Variants in CABP4 observed in about 807,000 individuals in gnomAD.
The protein encoded by CABP4 is calcium-binding protein 4.
Under a neutral mutation model 30.7 loss-of-function variants are expected in CABP4, and 30 were observed. That is an observed-to-expected ratio of 0.98 (90% CI 0.73 to 1.33). The LOEUF (loss-of-function observed/expected upper bound fraction) is 1.33, where lower values mean the gene tolerates loss of function less well. Ranked by LOEUF, CABP4 falls within the 40% of genes most tolerant of loss-of-function variation. The pLI is 0.00. For synonymous variants in CABP4, 161 were observed against 159.2 expected (o/e 1.01, Z -0.08); for missense variants, 424 against 395.5 (o/e 1.07, Z -0.61).
chr11:67,457,597 A>C lies in CABP4; in HGVS notation c.566A>C (p.Glu189Ala), dbSNP rs774298352. The C allele has an allele frequency of 1.2e-6, 2 of 1,600,956 alleles. No homozygotes were observed. Among genetic ancestry groups the C allele is most frequent in the Non-Finnish European group, 1.7e-6 (2 of 1,173,982 alleles). The change falls in exon 4 of 6, where the codon GAG becomes GCG. Residue 189 changes from glutamate (E) to alanine (A), a missense_variant. Transcript: ENST00000325656. ...MRMGGRVDFE[E>A]FVELIGPKLR... ...GTGGGCGGCCGTGTGGACTTTGAGG[A>C]GTTTGTAGAACTGATAGGCCCAAAG...
rs764721247 is a variant in CABP4, at chr11:67,456,086, T to C, written c.367-102T>C. ...CTTCAGGGTCCTTTTCCTACTCTGA[T>C]GGGGCTGGGCCCTGCCCAGGCCAAC... On this transcript the variant is annotated intron_variant, in intron 1 of 5. Coordinates refer to ENST00000325656, the MANE Select transcript of CABP4 (RefSeq NM_145200.5). 1.9e-6 allele frequency: 3 copies of C among 1,608,536 alleles called. No individual in the cohort carries two copies. In the South Asian group the frequency reaches 3.3e-5, roughly 18 times the overall value.
intron 4 of CABP4, 95 bp downstream of exon 4, chr11:67,457,777 C>T: frequency 9.7e-7 from 1 of 1,035,098 alleles, no homozygotes; most frequent in Non-Finnish European, 1.4e-6. Context: ...AGGCCTAGAG[C>T]CCTGCAGGCG....
At position 67,458,824 on chromosome 11, in the gene CABP4, C is replaced by T. The variant is rs760779526; in HGVS notation, c.*165C>T. 32 of 783,130 alleles carry T rather than the reference C, an allele frequency of 4.1e-5. No homozygotes were observed. The highest frequency in any genetic ancestry group is 3.9e-4 in the Admixed American group (19 of 48,972). 48.5% of individuals were successfully genotyped at this position (783,130 alleles called of 1,614,324 possible). A position where few individuals can be genotyped will look rare whatever the true frequency, so the allele number is the denominator to read the frequency against. On this transcript the variant is annotated 3_prime_UTR_variant, in exon 6 of 6. Transcript: ENST00000325656. ...GCCTCAATGTTGGCTTGTTATGTTA[C>T]CTGCCCACCCTCATCCTTACCTCCT...
At chr11:67,458,599 AC>A (rs1415314532) in intron 5 of CABP4, 31 bp from the exon 6 acceptor site, 1 of 1,614,042 alleles carries the variant, frequency 6.2e-7, no homozygotes, top group Admixed American at 1.7e-5. Context: ...CCTGACGTGG[AC>A]TGACCCAAGC....
chr11:67,456,508 G>T, intron 3 of CABP4, 66 bp downstream of exon 3: 1 of 1,585,352 alleles, frequency 6.3e-7, no homozygotes. Flanking sequence ...GGGCTGGCAG[G>T]AGGTGGCCCT....
chr11:67,452,805 G>C, upstream of CABP4: 1 of 1,140,124 alleles, frequency 8.8e-7, no homozygotes, highest in Non-Finnish European at 1.2e-6. Context: ...GTATGGGAGA[G>C]ACGGTGCTGT....
chr11:67,456,562 G>A, intron 3 of CABP4, 120 bp downstream of exon 3: 9 of 1,301,230 alleles, frequency 6.9e-6, no homozygotes, highest in Non-Finnish European at 8.6e-6. Context: ...GAGGGTGGCG[G>A]TTTCCAGGCA....
chr11:67,458,228 C>T (rs1864890448), intron 4 of CABP4, 143 bp from the exon 5 acceptor site: 4 of 647,436 alleles, frequency 6.2e-6, no homozygotes, highest in Non-Finnish European at 8.3e-6. Flanking sequence ...CACTGCACTC[C>T]AGCCTGGTGA....
rs1864918987 is a variant in CABP4, at chr11:67,458,674, A to G, written c.*15A>G. ...CCCGCCACTGAGGCTCCAGGAGGGA[A>G]TATCTGTTGCCCCTGCGGCCCCAGA... On this transcript the variant is annotated 3_prime_UTR_variant, in exon 6 of 6. Coordinates refer to ENST00000325656, the MANE Select transcript of CABP4 (RefSeq NM_145200.5). The G allele has an allele frequency of 6.2e-7, 1 of 1,613,806 alleles. No individual in the cohort carries two copies. Among genetic ancestry groups the G allele is most frequent in the Non-Finnish European group, 8.5e-7 (1 of 1,180,006 alleles).
At chr11:67,457,264 G>A (rs1489828925) in intron 3 of CABP4, among the ~76,000 whole-genome samples, 2 of 152,312 alleles carry the variant, frequency 1.3e-5, no homozygotes, top group East Asian at 1.9e-4. Flanking sequence ...GGATGAGGAA[G>A]GGAGGGCAGT....
Position 67,458,771 on chromosome 11 carries a change from A to C in CABP4, c.*112A>C. On this transcript the variant is annotated 3_prime_UTR_variant, in exon 6 of 6. Transcript: ENST00000325656. ...TGGAGATGGAGACCCAGCAGCCCCC[A>C]GACTACTTCTATCCCTGAAAACACC... The C allele has an allele frequency of 7.7e-7, 1 of 1,306,590 alleles. No individual in the cohort carries two copies. The highest frequency in any genetic ancestry group is 1.1e-6 in the Non-Finnish European group (1 of 917,860). The allele number at this position is 1,306,590 out of a possible 1,614,324, so 80.9% of individuals were successfully genotyped here.
upstream of CABP4, chr11:67,452,797 A>G: frequency 1.6e-6 from 2 of 1,218,242 alleles, no homozygotes; most frequent in Non-Finnish European, 2.3e-6. Flanking sequence ...ATGACCGAGT[A>G]TGGGAGAGAC....
rs77828276 is a variant in CABP4 at position 67,461,338 on chromosome 11, A to G, written c.*2679A>G. ...TGGGAGTCTCAGACGGAGGACATAC[A>G]TAGAGAATGAACAAGAAGCAATAAC... On this transcript the variant is annotated 3_prime_UTR_variant, in exon 6 of 6. Coordinates refer to ENST00000325656, the MANE Select transcript of CABP4 (RefSeq NM_145200.5). 4.6e-3 allele frequency among the ~76,000 whole-genome samples: 696 copies of G among 152,330 alleles called. 6 individuals carry two copies. Among genetic ancestry groups the G allele is most frequent in the African/African-American group, 0.016 (670 of 41,572 alleles).
chr11:67,456,206 G>T lies in CABP4; in HGVS notation c.385G>T (p.Glu129Ter), dbSNP rs770245265. 1 of 1,613,446 alleles carries T rather than the reference G, an allele frequency of 6.2e-7. No homozygotes were observed. Among genetic ancestry groups the T allele is most frequent in the Non-Finnish European group, 8.5e-7 (1 of 1,179,970 alleles). The change falls in exon 2 of 6, where the codon GAG (glutamate) becomes TAG (stop). Residue 129 changes from glutamate (E) to a stop codon, truncating the protein, a stop_gained. Coordinates refer to ENST00000325656, the MANE Select transcript of CABP4 (RefSeq NM_145200.5). LOFTEE classifies it high-confidence loss of function. ...VFGKDRELGP[E>*]ELDELQAAFE... The stretch of plus-strand genomic sequence containing the variant: ...CCTGCAGGACCGCGAACTGGGCCCC[G>T]AGGAGCTAGACGGTGAGTGGCTCTT...
upstream of CABP4, chr11:67,455,295 C>A: frequency 1.5e-6 from 2 of 1,327,986 alleles, no homozygotes; most frequent in Non-Finnish European, 2.0e-6. Flanking sequence ...CTCACTTACC[C>A]TAATCCCCCT....
intron 3 of CABP4, 136 bp from the exon 4 acceptor site, chr11:67,457,437 C>T (rs2135181934): frequency 2.7e-6 from 2 of 751,204 alleles, no homozygotes; most frequent in South Asian, 3.0e-5. Flanking sequence ...AGCCTCCTAT[C>T]TGCTGCAGGC....
chr11:67,458,436 C>G lies in CABP4; in HGVS notation c.717C>G (p.Leu239=). The G allele has an allele frequency of 1.6e-5, 26 of 1,613,752 alleles. No individual in the cohort carries two copies. Among genetic ancestry groups the G allele is most frequent in the Non-Finnish European group, 2.0e-5 (24 of 1,179,908 alleles). The change falls in exon 5 of 6, where the codon CTC becomes CTG. Residue 239 remains leucine, a synonymous_variant. Transcript: ENST00000325656. ...AELREAVPAL[L]GEPLAGPELD... ...TGCGGGAGGCGGTACCGGCTCTGCT[C>G]GGGGAGCCGCTGGCGGGTCCTGAGC... is the stretch of plus-strand genomic sequence containing the variant.
At chr11:67,457,830 A>T in intron 4 of CABP4, 148 bp downstream of exon 4, 2 of 661,416 alleles carry the variant, frequency 3.0e-6, no homozygotes, top group Admixed American at 5.4e-5. Context: ...GGTTCAGATC[A>T]CTACCAGCTA....
At chr11:67,452,784 T>G (rs1416520852), upstream of CABP4, 35 of 1,346,476 alleles carry the variant, frequency 2.6e-5, no homozygotes, top group East Asian at 8.2e-4. Flanking sequence ...AATGATGGTG[T>G]GAATGACCGA....
Sources: gnomAD v4.1 joint callset for allele counts (sites outside exome capture counted in the v4.1 genomes callset) on GRCh38, gnomAD v4.1.1 for gene constraint, MANE v1.5 for transcripts, NCBI Gene and HGNC (gene_info 2026-07-23, HGNC 2026-07-21) for gene names.